COLGALT2: variants seen among roughly 807,000 people sequenced by gnomAD.
The protein encoded by COLGALT2 is procollagen galactosyltransferase 2.
In COLGALT2, 49 loss-of-function variants were observed where a neutral mutation model predicts 73.4. That is an observed-to-expected ratio of 0.67 (90% CI 0.53 to 0.85). The LOEUF is 0.85. COLGALT2 is among the 40% of genes least tolerant of loss of function. The pLI, the probability that COLGALT2 is intolerant of heterozygous loss-of-function variation, is 0.00. For missense variants in COLGALT2, 722 were observed against 790.2 expected, an observed-to-expected ratio of 0.91 and a Z score of 1.03; for synonymous variants, 295 against 307.6, an observed-to-expected ratio of 0.96 and a Z score of 0.43.
At chr1:183,946,808 G>A (rs1240410035) in intron 8 of COLGALT2, among the ~76,000 whole-genome samples, 1 of 152,196 alleles carries the variant, frequency 6.6e-6, no homozygotes, top group Non-Finnish European at 1.5e-5. Flanking sequence ...GAGGTGGGCA[G>A]ATCAGAAGGT....
intron 1 of COLGALT2, among the ~76,000 whole-genome samples, chr1:184,035,924 G>T (rs1649659752): frequency 6.6e-6 from 1 of 152,170 alleles, no homozygotes; most frequent in Non-Finnish European, 1.5e-5. Flanking sequence ...TCACATGTTT[G>T]CTTTCGCACC....
In COLGALT2 at chr1:183,938,209, TAAA is replaced by T. The variant is rs36161033; in HGVS notation, c.*549_*551del. Reference sequence around the variant, plus strand: ...AACAGGGACTAAGATTTTTTTTTTTTAAAAAATCTACTTTTCAATAAGACTTGT... The same window carrying T: ...AACAGGGACTAAGATTTTTTTTTTTTAAATCTACTTTTCAATAAGACTTGT... On this transcript the variant is annotated 3_prime_UTR_variant, in exon 12 of 12. Coordinates refer to ENST00000361927, the MANE Select transcript of COLGALT2 (RefSeq NM_015101.4). 0.32 allele frequency: 280,504 copies of T among 869,014 alleles called. 12,373 individuals carry two copies. The highest frequency in any genetic ancestry group is 0.33 in the Non-Finnish European group (239,427 of 730,440). 53.8% of individuals were successfully genotyped at this position (869,014 alleles called of 1,614,324 possible).
intron 1 of COLGALT2, among the ~76,000 whole-genome samples, chr1:183,985,216 A>T (rs948045041): frequency 6.6e-6 from 1 of 152,214 alleles, no homozygotes; most frequent in Non-Finnish European, 1.5e-5. Context: ...CATATTAAAG[A>T]TGAAGACTGG....
intron 1 of COLGALT2, among the ~76,000 whole-genome samples, chr1:184,031,239 G>A (rs1649501216): frequency 6.6e-6 from 1 of 152,198 alleles, no homozygotes; most frequent in Non-Finnish European, 1.5e-5. Flanking sequence ...GCCAATACGT[G>A]TATGATTAGT....
intron 5 of COLGALT2, chr1:183,964,239 C>T (rs1558316845): frequency 2.4e-5 from 11 of 449,638 alleles, no homozygotes; most frequent in Middle Eastern, 4.0e-4. Flanking sequence ...ATTCTTCAGC[C>T]CAGAGGAAAT....
intron 1 of COLGALT2, among the ~76,000 whole-genome samples, chr1:183,988,917 G>A (rs1188608042): frequency 1.3e-5 from 2 of 151,978 alleles, no homozygotes; most frequent in African/African-American, 4.8e-5. Flanking sequence ...TACCCTTTGT[G>A]GAGAATCTAC....
chr1:183,949,198 C>T (rs1479815632), intron 8 of COLGALT2, among the ~76,000 whole-genome samples: 2 of 152,172 alleles, frequency 1.3e-5, no homozygotes, highest in Non-Finnish European at 2.9e-5. Flanking sequence ...ATCAAAATCC[C>T]AGCTGCCGTT....
chr1:183,936,140 G>T lies in COLGALT2; in HGVS notation c.*2621C>A. ...AAATCCAGACAGGGTTTAGCCTCCAGAGGCAGAGAGCGGGTGCCAGGCCCA... is the reference window on the plus strand; with the variant it reads ...AAATCCAGACAGGGTTTAGCCTCCATAGGCAGAGAGCGGGTGCCAGGCCCA... On this transcript the variant is annotated 3_prime_UTR_variant, in exon 12 of 12. Transcript: ENST00000361927. 1 of 985,648 alleles carries T rather than the reference G, an allele frequency of 1.0e-6. No individual in the cohort carries two copies. Among genetic ancestry groups the T allele is most frequent in the Non-Finnish European group, 1.2e-6 (1 of 830,098 alleles). 61.1% of individuals were successfully genotyped at this position (985,648 alleles called of 1,614,324 possible). A position where few individuals can be genotyped will look rare whatever the true frequency, so the allele number is the denominator to read the frequency against.
intron 1 of COLGALT2, among the ~76,000 whole-genome samples, chr1:184,035,079 T>C (rs1649629699): frequency 6.6e-6 from 1 of 152,248 alleles, no homozygotes; most frequent in South Asian, 2.1e-4. Context: ...CTGCCAATGC[T>C]GGACATAAAA....
At chr1:183,989,879 G>C (rs1671586012) in intron 1 of COLGALT2, among the ~76,000 whole-genome samples, 1 of 152,156 alleles carries the variant, frequency 6.6e-6, no homozygotes, top group African/African-American at 2.4e-5. Flanking sequence ...GGAGCCAACA[G>C]CATGTGAAGG....
chr1:183,957,056 G>T (rs1267336088), intron 6 of COLGALT2, among the ~76,000 whole-genome samples: 2 of 151,956 alleles, frequency 1.3e-5, no homozygotes, highest in Admixed American at 1.3e-4. Context: ...GGGACAATGG[G>T]CTTCATTGCT....
At position 183,973,684 on chromosome 1, in the gene COLGALT2, T is replaced by C; in HGVS notation, c.559A>G (p.Thr187Ala). The C allele has an allele frequency of 1.2e-6, 2 of 1,613,946 alleles. No homozygotes were observed. Among genetic ancestry groups the C allele is most frequent in the South Asian group, 1.1e-5 (1 of 91,032 alleles). ...GACTCCAGCATGGGGGCCACAATAG[T>C]TTTGTTTTCTGCAATCAGTAGATTG... is the stretch of plus-strand genomic sequence containing the variant. ...TLNLLIAENK[T>A]IVAPMLESRG... The change falls in exon 4 of 12, where the codon ACT (threonine) becomes GCT (alanine). Residue 187 changes from threonine (T) to alanine (A), a missense_variant. By Grantham distance (58) the Thr-to-Ala change is moderately conservative (BLOSUM62 0). Transcript: ENST00000361927.
At chr1:183,944,108 C>T in intron 10 of COLGALT2, 88 bp downstream of exon 10, 1 of 1,410,880 alleles carries the variant, frequency 7.1e-7, no homozygotes, top group Non-Finnish European at 9.5e-7. Context: ...GCTGTATCTC[C>T]TACTGGCTGT....
At chr1:183,978,167 T>G (rs1342522579) in intron 2 of COLGALT2, among the ~76,000 whole-genome samples, 1 of 152,194 alleles carries the variant, frequency 6.6e-6, no homozygotes, top group African/African-American at 2.4e-5. Flanking sequence ...ATATAAACTG[T>G]CATGGCAATT....
At chr1:183,970,261 A>C (rs930536738) in intron 4 of COLGALT2, among the ~76,000 whole-genome samples, 4 of 152,234 alleles carry the variant, frequency 2.6e-5, no homozygotes, top group Non-Finnish European at 4.4e-5. Flanking sequence ...TCCAGAAAAG[A>C]TGAAGATATA....
At chr1:183,990,922 T>C (rs1360343094) in intron 1 of COLGALT2, among the ~76,000 whole-genome samples, 10 of 152,258 alleles carry the variant, frequency 6.6e-5, no homozygotes, top group Non-Finnish European at 1.3e-4. Flanking sequence ...AACTGGTTTA[T>C]AATTCTCTGA....
At chr1:184,005,656 G>A (rs1288386872) in intron 1 of COLGALT2, among the ~76,000 whole-genome samples, 3 of 152,072 alleles carry the variant, frequency 2.0e-5, no homozygotes, top group African/African-American at 7.2e-5. Context: ...CTGCCTCTCC[G>A]TCCTCACTCC....
intron 1 of COLGALT2, among the ~76,000 whole-genome samples, chr1:183,986,003 T>A (rs1384949146): frequency 6.6e-6 from 1 of 152,190 alleles, no homozygotes; most frequent in Admixed American, 6.5e-5. Flanking sequence ...CTACTGTAAT[T>A]CATTTTCAAG....
intron 1 of COLGALT2, among the ~76,000 whole-genome samples, chr1:183,993,893 A>G (rs560391177): frequency 1.8e-4 from 27 of 152,192 alleles, no homozygotes; most frequent in Non-Finnish European, 3.2e-4. Flanking sequence ...TCTTCAGCAG[A>G]GGATCCAAAA....
Sources: allele counts gnomAD v4.1 joint callset (sites outside exome capture counted in the v4.1 genomes callset), GRCh38; gene constraint gnomAD v4.1.1; transcripts MANE v1.5; gene names NCBI Gene and HGNC (gene_info 2026-07-23, HGNC 2026-07-21).